The following BTNL9 variants were observed in gnomAD, a reference collection of about 807,000 sequenced individuals.
BTNL9 encodes butyrophilin like 9.
In BTNL9, 45 loss-of-function variants were observed where a neutral mutation model predicts 45.8. The ratio of observed to expected loss-of-function variants is 0.98; its 90% CI spans 0.77 to 1.26. The LOEUF (loss-of-function observed/expected upper bound fraction) is 1.26, where lower values mean the gene tolerates loss of function less well. Among genes scored for constraint, BTNL9 ranks in the 50% most tolerant of loss-of-function variants. The pLI is 0.00. For missense variants in BTNL9, 784 were observed against 729.7 expected (o/e 1.07, Z -0.86); for synonymous variants, 346 against 330.8 (o/e 1.05, Z -0.50).
intron 2 of BTNL9, 44 bp downstream of exon 2, chr5:181,045,642 C>T (rs1332632318): frequency 2.7e-6 from 4 of 1,485,768 alleles, no homozygotes; most frequent in Non-Finnish European, 3.8e-6. Flanking sequence ...GAACGCCACC[C>T]CTCCTGCCAG....
chr5:181,055,704 G>T lies in BTNL9; in HGVS notation c.928+251G>T, dbSNP rs1761841967. 2.9e-6 allele frequency: 2 copies of T among 690,800 alleles called. No individual in the cohort carries two copies. The allele number at this position is 690,800 out of a possible 1,614,324, so 42.8% of individuals were successfully genotyped here. On this transcript the variant is annotated intron_variant, in intron 8 of 10. Coordinates refer to ENST00000327705, the MANE Select transcript of BTNL9 (RefSeq NM_152547.5). The surrounding 1 kb of genome is among the most constrained non-coding windows in gnomAD (Gnocchi z 4.4). ...GAAGGGCGTGAACCCGGGAAGCGGA[G>T]CTTGCAGTGAGCCGAGATGGCGCCA...
intron 2 of BTNL9, among the ~76,000 whole-genome samples, chr5:181,045,949 C>CAACACCTCCTCCACCATCTCCCCAGGCCT (rs1761109437): frequency 9.4e-5 from 2 of 21,302 alleles, no homozygotes; most frequent in Admixed American, 4.9e-4. Context: ...TCCCCAGCCT[C>CAACACCTCCTCCACCATCTCCCCAGGCCT]CAACACCTCC....
At chr5:181,045,639 A>G (rs752009254) in intron 2 of BTNL9, 41 bp downstream of exon 2, 4 of 1,495,296 alleles carry the variant, frequency 2.7e-6, no homozygotes, top group Admixed American at 3.4e-5. Flanking sequence ...TGTGAACGCC[A>G]CCCCTCCTGC....
intron 7 of BTNL9, chr5:181,054,821 G>T: frequency 1.0e-6 from 1 of 985,434 alleles, no homozygotes; most frequent in Non-Finnish European, 1.2e-6. Context: ...CCTTCAAGGG[G>T]AATGAGAAAA....
rs1296598189 is a variant in BTNL9 at position 181,055,094 on chromosome 5, C to A, written c.908-339C>A. ...TCACGTAGGCGGCCCTCAGTGCCTG[C>A]ACTTAGGCGGGAGCTCCGCCCCAGG... On this transcript the variant is annotated intron_variant, in intron 7 of 10. Coordinates refer to ENST00000327705, the MANE Select transcript of BTNL9 (RefSeq NM_152547.5). The surrounding 1 kb of genome is among the most constrained non-coding windows in gnomAD (Gnocchi z 4.4). 1 of 1,124,372 alleles carries A rather than the reference C, an allele frequency of 8.9e-7. No homozygotes were observed. Among genetic ancestry groups the A allele is most frequent in the East Asian group, 5.0e-5 (1 of 20,184 alleles). 69.6% of individuals were successfully genotyped at this position (1,124,372 alleles called of 1,614,324 possible).
chr5:181,053,741 G>A lies in BTNL9; in HGVS notation c.886+240G>A. The A allele has an allele frequency of 6.6e-7, 1 of 1,512,734 alleles. No individual in the cohort carries two copies. The highest frequency in any genetic ancestry group is 1.3e-5 in the South Asian group (1 of 78,716). 93.7% of individuals were successfully genotyped at this position (1,512,734 alleles called of 1,614,324 possible). ...TAGTGCACAGATGTCAGGGTTGACCGGCTGCTGTCGTTACGCCCTCGGAGC... is the reference window on the plus strand; with the variant it reads ...TAGTGCACAGATGTCAGGGTTGACCAGCTGCTGTCGTTACGCCCTCGGAGC... On this transcript the variant is annotated intron_variant, in intron 6 of 10. Transcript: ENST00000327705. The surrounding 1 kb of genome is among the most constrained non-coding windows in gnomAD (Gnocchi z 6.5).
rs1761755478 is a variant in BTNL9 at position 181,054,244 on chromosome 5, CT to C, written c.893del (p.Leu298ProfsTer33). The C allele has an allele frequency of 1.9e-6, 3 of 1,578,124 alleles. No individual in the cohort carries two copies. The highest frequency in any genetic ancestry group is 2.8e-5 in the African/African-American group (2 of 71,522). ...TTTTTTTTTTTTTTCTCTAGAGAAA[CT>C]CACTGCAGAGCTGGGTAAGTTCTGG... ...RKQAEKRQEK[L>X]TAELEKLQTE... On this transcript the variant is annotated frameshift_variant, in exon 7 of 11. Transcript: ENST00000327705. LOFTEE classifies it high-confidence loss of function.
At chr5:181,058,130 C>T (rs754520922) in intron 9 of BTNL9, among the ~76,000 whole-genome samples, 16 of 152,144 alleles carry the variant, frequency 1.1e-4, no homozygotes, top group Admixed American at 1.3e-4. Flanking sequence ...TCAGCCTGCA[C>T]GTAGCTCTGG....
Position 181,055,898 on chromosome 5 carries a change from G to GTGGGA in BTNL9, c.929-91_929-90insTGGGA. 1 of 1,486,298 alleles carries GTGGGA rather than the reference G, an allele frequency of 6.7e-7. No individual in the cohort carries two copies. Among genetic ancestry groups the GTGGGA allele is most frequent in the Non-Finnish European group, 9.4e-7 (1 of 1,063,384 alleles). The allele number at this position is 1,486,298 out of a possible 1,614,324, so 92.1% of individuals were successfully genotyped here. ...GCTGGCTATGTGGGTGGTGGGGGGT[G>GTGGGA]CGGGACAGGGTGGGTGCAAGATGTG... On this transcript the variant is annotated intron_variant, in intron 8 of 10. Coordinates refer to ENST00000327705, the MANE Select transcript of BTNL9 (RefSeq NM_152547.5). The surrounding 1 kb of genome is among the most constrained non-coding windows in gnomAD (Gnocchi z 4.4).
Position 181,053,183 on chromosome 5 carries a change from C to T in BTNL9, c.737-17C>T, listed in dbSNP as rs1434878836. 35 of 1,568,956 alleles carry T rather than the reference C, an allele frequency of 2.2e-5. No individual in the cohort carries two copies. Among genetic ancestry groups the T allele is most frequent in the Non-Finnish European group, 2.8e-5 (33 of 1,158,388 alleles). ...AGCGGCGCCTGGACCGACACGGCCC[C>T]CGCGGGTGTTTTCCAGACGTGTTCG... On this transcript the variant is annotated splice_polypyrimidine_tract_variant and intron_variant, in intron 4 of 10. Transcript: ENST00000327705. This position sits in a 1 kb window ranked among gnomAD's most constrained non-coding sequence, Gnocchi z 6.5.
intron 3 of BTNL9, 21 bp downstream of exon 3, chr5:181,048,292 C>T: frequency 6.3e-7 from 1 of 1,574,926 alleles, no homozygotes; most frequent in Non-Finnish European, 8.7e-7. Context: ...TGACCTAAGG[C>T]CCTGCAGAGG....
At chr5:181,052,563 G>C (rs893856762) in intron 4 of BTNL9, among the ~76,000 whole-genome samples, 4 of 152,200 alleles carry the variant, frequency 2.6e-5, no homozygotes, top group Non-Finnish European at 5.9e-5. Context: ...AGATGACACA[G>C]ACAGAAAGTT....
In BTNL9 at chr5:181,053,883, G is replaced by A. The variant is rs1257430812; in HGVS notation, c.887-356G>A. On this transcript the variant is annotated intron_variant, in intron 6 of 10. Coordinates refer to ENST00000327705, the MANE Select transcript of BTNL9 (RefSeq NM_152547.5). The surrounding 1 kb of genome is among the most constrained non-coding windows in gnomAD (Gnocchi z 6.5). ...CGGATGCGCAACATCTCCGCACAGG[G>A]TCAGGAAGCGGCGGTCAGGCACCGA... is the stretch of plus-strand genomic sequence containing the variant. 2.7e-6 allele frequency: 4 copies of A among 1,504,420 alleles called. No individual in the cohort carries two copies. Among genetic ancestry groups the A allele is most frequent in the Non-Finnish European group, 1.8e-6 (2 of 1,126,996 alleles). The allele number at this position is 1,504,420 out of a possible 1,614,324, so 93.2% of individuals were successfully genotyped here. A position where few individuals can be genotyped will look rare whatever the true frequency, so the allele number is the denominator to read the frequency against.
Position 181,060,093 on chromosome 5 carries a change from A to G in BTNL9, c.*231A>G. 1.9e-6 allele frequency: 1 copy of G among 528,010 alleles called. No individual in the cohort carries two copies. The highest frequency in any genetic ancestry group is 3.3e-6 in the Non-Finnish European group (1 of 301,782). The allele number at this position is 528,010 out of a possible 1,614,324, so 32.7% of individuals were successfully genotyped here. On this transcript the variant is annotated 3_prime_UTR_variant, in exon 11 of 11. Transcript: ENST00000327705. ...GGATTGTGGGACTGAGCGAAGGAGT[A>G]CAAATATATCCACGTCGCTCAGAGC... is the stretch of plus-strand genomic sequence containing the variant.
chr5:181,051,551 A>C (rs1360124990), intron 4 of BTNL9, among the ~76,000 whole-genome samples: 1 of 152,156 alleles, frequency 6.6e-6, no homozygotes, highest in Non-Finnish European at 1.5e-5. Context: ...CAAAGGAAAA[A>C]TCAAGCATGT....
In BTNL9 at chr5:181,054,131, C is replaced by T. The variant is rs1474586826; in HGVS notation, c.887-108C>T. ...CGCAGACCACCGCGGGTGGGAGTGC[C>T]GCATCGGAGGTGAGGCCTCAGTGTT... On this transcript the variant is annotated intron_variant, in intron 6 of 10. Coordinates refer to ENST00000327705, the MANE Select transcript of BTNL9 (RefSeq NM_152547.5). 9 of 1,568,086 alleles carry T rather than the reference C, an allele frequency of 5.7e-6. No homozygotes were observed. The East Asian group carries it at 1.7e-4, about 29-fold the overall frequency.
At chr5:181,051,999 C>CA (rs1761566419) in intron 4 of BTNL9, among the ~76,000 whole-genome samples, 1 of 151,914 alleles carries the variant, frequency 6.6e-6, no homozygotes, top group African/African-American at 2.4e-5. Flanking sequence ...CGGCTGCTGG[C>CA]AGAACAGCGA....
rs201720130 is a variant in BTNL9, at chr5:181,048,043, C to A, written c.226C>A (p.Arg76=). The A allele has an allele frequency of 6.2e-7, 1 of 1,613,698 alleles. No individual in the cohort carries two copies. Among genetic ancestry groups the A allele is most frequent in the East Asian group, 2.2e-5 (1 of 44,870 alleles). Residue 76 remains arginine (R), a synonymous_variant, in exon 3 of 11, where the codon CGG becomes AGG. Coordinates refer to ENST00000327705, the MANE Select transcript of BTNL9 (RefSeq NM_152547.5). The part of the protein sequence containing the change: ...DAQQMEIRWF[R]SQTFNVVHLY... ...CCAGCAAATGGAGATCCGCTGGTTC[C>A]GGAGTCAGACCTTCAATGTGGTACA...
In BTNL9 at chr5:181,055,050, C is replaced by G; in HGVS notation, c.908-383C>G. The G allele has an allele frequency of 1.0e-6, 1 of 985,438 alleles. No individual in the cohort carries two copies. The highest frequency in any genetic ancestry group is 1.2e-6 in the Non-Finnish European group (1 of 829,934). The allele number at this position is 985,438 out of a possible 1,614,324, so 61.0% of individuals were successfully genotyped here. A position where few individuals can be genotyped will look rare whatever the true frequency, so the allele number is the denominator to read the frequency against. On this transcript the variant is annotated intron_variant, in intron 7 of 10. Coordinates refer to ENST00000327705, the MANE Select transcript of BTNL9 (RefSeq NM_152547.5). This position sits in a 1 kb window ranked among gnomAD's most constrained non-coding sequence, Gnocchi z 4.4. Reference sequence around the variant, plus strand: ...CTTCCAGTCCTTCAGATAACGCACCCGGTGAGTGACCGTGAGGCTCACGTA... The same window carrying G: ...CTTCCAGTCCTTCAGATAACGCACCGGGTGAGTGACCGTGAGGCTCACGTA...
Sources: gnomAD v4.1 joint callset for allele counts (sites outside exome capture counted in the v4.1 genomes callset) on GRCh38, gnomAD v4.1.1 for gene constraint, Gnocchi (gnomAD v3.1) non-coding constraint, MANE v1.5 for transcripts, NCBI Gene and HGNC (gene_info 2026-07-23, HGNC 2026-07-21) for gene names.